TANC2: variants seen among roughly 807,000 people sequenced by gnomAD.
TANC2 encodes the protein protein TANC2.
In TANC2, 26 loss-of-function variants were observed where a neutral mutation model predicts 210.5. The observed-to-expected ratio is 0.12, with a 90% CI of 0.09 to 0.17. TANC2 has a LOEUF of 0.17. Among genes scored for constraint, TANC2 ranks in the 10% least tolerant of loss-of-function variants. The pLI is 1.00. For missense variants in TANC2, 2,129 were observed against 2,608.9 expected (o/e 0.82, Z 4.01); for synonymous variants, 931 against 967.1 (o/e 0.96, Z 0.69).
chr17:62,979,921 A>G (rs1054143788), intron 1 of TANC2, among the ~76,000 whole-genome samples: 3 of 152,160 alleles, frequency 2.0e-5, no homozygotes, highest in Non-Finnish European at 4.4e-5. Flanking sequence ...TCAAATAAAT[A>G]AATGAATGAA....
intron 4 of TANC2, among the ~76,000 whole-genome samples, chr17:63,104,083 T>G (rs551688822): frequency 1.3e-5 from 2 of 152,270 alleles, no homozygotes; most frequent in East Asian, 3.9e-4. Flanking sequence ...TCAATTAAGA[T>G]TTTTATTGTT....
intron 7 of TANC2, among the ~76,000 whole-genome samples, chr17:63,233,844 G>A (rs188911367): frequency 4.8e-4 from 73 of 152,104 alleles, no homozygotes; most frequent in Middle Eastern, 3.4e-3. Context: ...TTGTTTTTTC[G>A]TCTTTACCTG....
chr17:62,991,391 C>A (rs2143579404), intron 1 of TANC2, among the ~76,000 whole-genome samples: 1 of 152,082 alleles, frequency 6.6e-6, no homozygotes, highest in Admixed American at 6.5e-5. Context: ...GTAATCCCAG[C>A]ACTTTGGGAG....
Position 63,420,290 on chromosome 17 carries a change from G to A in TANC2, c.4560G>A (p.Gly1520=). The change falls in exon 28 of 28, where the codon GGG becomes GGA. Residue 1520 remains glycine, a synonymous_variant. Coordinates refer to ENST00000689528, the Ensembl canonical transcript of TANC2. This position sits in a 1 kb window ranked among gnomAD's most constrained non-coding sequence, Gnocchi z 4.2. ...AGACAGAGGCCCGGCCCAGCCAGGGGCTCCCGGTCATCCAGAGCCCACCCT... is the reference window on the plus strand; with the variant it reads ...AGACAGAGGCCCGGCCCAGCCAGGGACTCCCGGTCATCCAGAGCCCACCCT... 6.2e-7 allele frequency: 1 copy of A among 1,613,736 alleles called. No individual in the cohort carries two copies. Among genetic ancestry groups the A allele is most frequent in the Non-Finnish European group, 8.5e-7 (1 of 1,179,824 alleles).
At chr17:63,038,492 ATGTCT>A (rs1377297809) in intron 2 of TANC2, among the ~76,000 whole-genome samples, 1 of 151,890 alleles carries the variant, frequency 6.6e-6, no homozygotes. Context: ...TTTTTTGGTA[ATGTCT>A]TTATCTGGTT....
chr17:63,352,574 A>G (rs1372544610), intron 13 of TANC2, among the ~76,000 whole-genome samples: 2 of 152,178 alleles, frequency 1.3e-5, no homozygotes, highest in Admixed American at 6.6e-5. Flanking sequence ...GCTTTACCAA[A>G]TGGATGCTTT....
rs566860360 is a variant in TANC2 at position 63,280,446 on chromosome 17, A to T, written c.1159+12573A>T. Reference sequence around the variant, plus strand: ...GACTGTAGGCTGCCAAGTAAATATCATATCTTCTTAATTATTGAGGATGTC... The same window carrying T: ...GACTGTAGGCTGCCAAGTAAATATCTTATCTTCTTAATTATTGAGGATGTC... On this transcript the variant is annotated intron_variant, in intron 9 of 27. Coordinates refer to ENST00000689528, the Ensembl canonical transcript of TANC2. Among the ~76,000 whole-genome samples, 3 of 152,210 alleles carry T rather than the reference A, an allele frequency of 2.0e-5. No individual in the cohort carries two copies. In the South Asian group the frequency reaches 6.2e-4, roughly 32 times the overall value.
intron 8 of TANC2, among the ~76,000 whole-genome samples, chr17:63,250,657 TC>T (rs2043032949): frequency 2.6e-5 from 4 of 152,150 alleles, no homozygotes; most frequent in Non-Finnish European, 4.4e-5. Context: ...TAATGGTTAT[TC>T]GTTCATTAGA....
chr17:63,078,090 A>T (rs1421516748), intron 3 of TANC2, among the ~76,000 whole-genome samples: 1 of 152,122 alleles, frequency 6.6e-6, no homozygotes, highest in Admixed American at 6.5e-5. Context: ...TGTAGAATTG[A>T]TATTATTTCA....
intron 5 of TANC2, among the ~76,000 whole-genome samples, chr17:63,177,305 T>C (rs2040623129): frequency 6.7e-6 from 1 of 149,670 alleles, no homozygotes; most frequent in Non-Finnish European, 1.5e-5. Context: ...TTGAATTGTA[T>C]ATGTTATATA....
At chr17:63,371,818 TAA>T (rs1412940572) in intron 14 of TANC2, among the ~76,000 whole-genome samples, 5 of 152,204 alleles carry the variant, frequency 3.3e-5, no homozygotes, top group African/African-American at 1.2e-4. Context: ...GGTTTTTCTC[TAA>T]AAGACTCCAT....
chr17:63,121,392 C>T (rs565123417), intron 4 of TANC2, among the ~76,000 whole-genome samples: 1 of 152,132 alleles, frequency 6.6e-6, no homozygotes, highest in Admixed American at 6.6e-5. Context: ...TAGTACTTGA[C>T]ACAGGGGAAG....
chr17:63,222,514 A>G (rs1045808913), intron 7 of TANC2, among the ~76,000 whole-genome samples: 23 of 152,224 alleles, frequency 1.5e-4, no homozygotes, highest in African/African-American at 5.5e-4. Context: ...ACAAAAGGCA[A>G]AACTATAATG....
intron 3 of TANC2, 64 bp from the exon 4 acceptor site, chr17:63,099,111 G>A (rs2037522614): frequency 1.4e-6 from 2 of 1,433,082 alleles, no homozygotes; most frequent in South Asian, 2.4e-5. Flanking sequence ...CCTATAAGAT[G>A]TATTTTAATA....
intron 7 of TANC2, among the ~76,000 whole-genome samples, chr17:63,203,755 G>A (rs2041610022): frequency 6.6e-6 from 1 of 152,004 alleles, no homozygotes; most frequent in South Asian, 2.1e-4. Flanking sequence ...CAAAGAGCAG[G>A]GAATTGGAAG....
chr17:63,154,232 T>G (rs986629560), intron 5 of TANC2: 1 of 152,210 alleles, frequency 6.6e-6, no homozygotes, highest in African/African-American at 2.4e-5. Flanking sequence ...GAAACTAAGA[T>G]CTAGAGAATT....
intron 11 of TANC2, among the ~76,000 whole-genome samples, chr17:63,336,744 A>T (rs947243302): frequency 2.6e-5 from 4 of 152,368 alleles, no homozygotes; most frequent in African/African-American, 9.6e-5. Context: ...AAAAGTTGAA[A>T]TGAAAAAAAT....
chr17:63,414,203 A>G (rs571489576), intron 25 of TANC2: 6 of 152,342 alleles, frequency 3.9e-5, no homozygotes, highest in African/African-American at 1.4e-4. Context: ...TCCTTGGTCT[A>G]TTACATGTCA....
intron 4 of TANC2, among the ~76,000 whole-genome samples, chr17:63,111,900 A>AT (rs1473411240): frequency 6.6e-6 from 1 of 151,770 alleles, no homozygotes; most frequent in Non-Finnish European, 1.5e-5. Flanking sequence ...TAATTTTTGT[A>AT]TTTTTAGTAG....
Sources: gnomAD v4.1 joint callset for allele counts (sites outside exome capture counted in the v4.1 genomes callset) on GRCh38, gnomAD v4.1.1 for gene constraint, Gnocchi (gnomAD v3.1) non-coding constraint, MANE v1.5 for transcripts, NCBI Gene and HGNC (gene_info 2026-07-23, HGNC 2026-07-21) for gene names.